Variants in ADGRB3 observed in about 807,000 individuals in gnomAD.
ADGRB3 encodes the protein brain-specific angiogenesis inhibitor 3.
In ADGRB3, 37 loss-of-function variants were observed where a neutral mutation model predicts 193.4. The ratio of observed to expected loss-of-function variants is 0.19; its 90% CI spans 0.15 to 0.25. The LOEUF (loss-of-function observed/expected upper bound fraction) is 0.25, where lower values mean the gene tolerates loss of function less well. Among genes scored for constraint, ADGRB3 ranks in the 10% least tolerant of loss-of-function variants. The probability of loss-of-function intolerance (pLI) is 1.00; values close to 1 mark genes in which losing one functional copy is unlikely to be tolerated. For synonymous variants in ADGRB3, 690 were observed against 644.2 expected (o/e 1.07, Z -1.08); for missense variants, 1,637 against 1,852.9 (o/e 0.88, Z 2.14).
intron 28 of ADGRB3, 142 bp downstream of exon 28, chr6:69,356,002 G>A (rs1016008639): frequency 1.6e-6 from 1 of 614,048 alleles, no homozygotes; most frequent in African/African-American, 1.9e-5. Context: ...GCCCCCAAAT[G>A]CCAAAGGAGC....
chr6:69,364,411 C>T (rs1447191086), intron 29 of ADGRB3, among the ~76,000 whole-genome samples: 1 of 152,002 alleles, frequency 6.6e-6, no homozygotes, highest in Admixed American at 6.6e-5. Context: ...TCCCCAACCC[C>T]GAAGTCAGTG....
chr6:68,765,433 C>T lies in ADGRB3; in HGVS notation c.757+126001C>T, dbSNP rs180695095. On this transcript the variant is annotated intron_variant, in intron 3 of 31. Transcript: ENST00000370598. ...AGACATTTTATCCGCCTATTAACAC[C>T]GATCGCATTTTCTGTTCTTTATGTG... Among the ~76,000 whole-genome samples the T allele has an allele frequency of 1.0e-3, 153 of 151,842 alleles. 1 individual carries two copies. The Middle Eastern group carries it at 0.024, about 24-fold the overall frequency.
intron 15 of ADGRB3, among the ~76,000 whole-genome samples, chr6:69,053,824 ATTCTAC>A (rs566173219): frequency 4.1e-4 from 62 of 152,360 alleles, no homozygotes; most frequent in African/African-American, 1.4e-3. Flanking sequence ...TGATATAGCA[ATTCTAC>A]TTCTAAGAAT....
At chr6:68,679,336 T>C (rs2127297447) in intron 3 of ADGRB3, among the ~76,000 whole-genome samples, 1 of 152,282 alleles carries the variant, frequency 6.6e-6, no homozygotes, top group African/African-American at 2.4e-5. Context: ...TTCAGATTTC[T>C]TCCTTGTGGA....
intron 17 of ADGRB3, among the ~76,000 whole-genome samples, chr6:69,101,523 G>T (rs1773055582): frequency 6.7e-6 from 1 of 148,434 alleles, no homozygotes; most frequent in Admixed American, 6.7e-5. Flanking sequence ...ACACAAAACT[G>T]ACAAACCCTG....
intron 3 of ADGRB3, among the ~76,000 whole-genome samples, chr6:68,801,290 A>G (rs918532436): frequency 1.3e-4 from 20 of 152,254 alleles, no homozygotes; most frequent in Non-Finnish European, 2.6e-4. Context: ...TATCTCTTTC[A>G]TTCAGTTTGG....
intron 17 of ADGRB3, among the ~76,000 whole-genome samples, chr6:69,177,565 C>T (rs994785384): frequency 6.6e-6 from 1 of 152,092 alleles, no homozygotes; most frequent in Non-Finnish European, 1.5e-5. Context: ...CCAGGATGGT[C>T]TTGATCTCTT....
intron 20 of ADGRB3, among the ~76,000 whole-genome samples, chr6:69,314,504 CA>C (rs1292343827): frequency 6.6e-6 from 1 of 151,516 alleles, no homozygotes; most frequent in African/African-American, 2.4e-5. Flanking sequence ...AAAATTTTCA[CA>C]AATTGAAGGT....
chr6:68,758,624 A>G (rs1766340773), intron 3 of ADGRB3, among the ~76,000 whole-genome samples: 1 of 152,074 alleles, frequency 6.6e-6, no homozygotes, highest in Non-Finnish European at 1.5e-5. Context: ...TTTCTTGATC[A>G]CAGTTATTTG....
intron 17 of ADGRB3, among the ~76,000 whole-genome samples, chr6:69,215,633 T>C (rs1173893472): frequency 2.0e-5 from 3 of 152,126 alleles, no homozygotes; most frequent in Admixed American, 6.5e-5. Context: ...ATAAGAGATA[T>C]AATGTAGCCT....
At chr6:68,900,701 C>A (rs565262668) in intron 3 of ADGRB3, among the ~76,000 whole-genome samples, 1 of 152,190 alleles carries the variant, frequency 6.6e-6, no homozygotes, top group South Asian at 2.1e-4. Context: ...AATCTGGCTG[C>A]ATCTATTGCT....
chr6:69,113,245 T>G (rs549013587), intron 17 of ADGRB3, among the ~76,000 whole-genome samples: 43 of 151,856 alleles, frequency 2.8e-4, no homozygotes, highest in East Asian at 1.2e-3. Context: ...TCACACATAT[T>G]TATATGTACA....
At chr6:69,176,817 G>T (rs1775438714) in intron 17 of ADGRB3, among the ~76,000 whole-genome samples, 2 of 152,112 alleles carry the variant, frequency 1.3e-5, no homozygotes, top group Non-Finnish European at 2.9e-5. Flanking sequence ...ACTCAATATT[G>T]ATCTGCTCAG....
chr6:68,724,875 T>C (rs1447867065), intron 3 of ADGRB3, among the ~76,000 whole-genome samples: 1 of 151,724 alleles, frequency 6.6e-6, no homozygotes, highest in Non-Finnish European at 1.5e-5. Context: ...GACAGAAATA[T>C]TGTTACAAAG....
chr6:69,328,606 T>G (rs1453359388), intron 22 of ADGRB3, among the ~76,000 whole-genome samples: 3 of 152,120 alleles, frequency 2.0e-5, no homozygotes, highest in Non-Finnish European at 1.5e-5. Context: ...GATGTTCTGT[T>G]TAATTATTTT....
At chr6:68,662,744 G>A (rs2253866) in intron 3 of ADGRB3, among the ~76,000 whole-genome samples, 94,215 of 150,910 alleles carry the variant, frequency 0.62, 30,073 homozygotes, top group African/African-American at 0.75. Context: ...TTAAAAATCA[G>A]TTATGCATAT....
intron 3 of ADGRB3, among the ~76,000 whole-genome samples, chr6:68,773,468 C>T (rs762507205): frequency 7.2e-5 from 11 of 152,066 alleles, no homozygotes; most frequent in East Asian, 1.9e-4. Context: ...ATTATTAGTG[C>T]GTAGTGAGAT....
At chr6:68,911,584 A>G (rs1766711618) in intron 3 of ADGRB3, among the ~76,000 whole-genome samples, 1 of 152,182 alleles carries the variant, frequency 6.6e-6, no homozygotes, top group Non-Finnish European at 1.5e-5. Context: ...AGGTTTAACA[A>G]TTAAAAAGAA....
At chr6:68,906,239 A>G (rs1472535757) in intron 3 of ADGRB3, among the ~76,000 whole-genome samples, 1 of 151,846 alleles carries the variant, frequency 6.6e-6, no homozygotes, top group Non-Finnish European at 1.5e-5. Flanking sequence ...TATGGTATAT[A>G]TTGGTATATA....
Sources: gnomAD v4.1 joint callset for allele counts (sites outside exome capture counted in the v4.1 genomes callset) on GRCh38, gnomAD v4.1.1 for gene constraint, MANE v1.5 for transcripts, NCBI Gene and HGNC (gene_info 2026-07-23, HGNC 2026-07-21) for gene names.